ABCC1: variants seen among roughly 807,000 people sequenced by gnomAD.
ABCC1 encodes multidrug resistance-associated protein 1.
ABCC1 carries 83 observed loss-of-function variants against 172.9 expected under a neutral mutation model. The ratio of observed to expected loss-of-function variants is 0.48; its 90% CI spans 0.40 to 0.58. The LOEUF is 0.58. Among genes scored for constraint, ABCC1 ranks in the 20% least tolerant of loss-of-function variants. The pLI, the probability that ABCC1 is intolerant of heterozygous loss-of-function variation, is 0.00. For synonymous variants in ABCC1, 937 were observed against 825.2 expected (o/e 1.14, Z -2.32); for missense variants, 1,817 against 2,002.7 (o/e 0.91, Z 1.77).
intron 19 of ABCC1, chr16:16,094,206 G>T: frequency 3.6e-6 from 1 of 277,830 alleles, no homozygotes; most frequent in Non-Finnish European, 7.2e-6. Flanking sequence ...AGCTCTGTAG[G>T]TCCGGCGACG....
In ABCC1 at chr16:15,969,102, G is replaced by A. The variant is rs75822122; in HGVS notation, c.48+19303G>A. The stretch of plus-strand genomic sequence containing the variant: ...GCCTATAATCCCAGCTACTGGGAAG[G>A]GGGAGGCATAAGGATCACTTGAACC... On this transcript the variant is annotated intron_variant, in intron 1 of 30. Transcript: ENST00000399410. 7.8e-3 allele frequency among the ~76,000 whole-genome samples: 1,194 copies of A among 152,196 alleles called. 23 individuals carry two copies. The highest frequency in any genetic ancestry group is 0.027 in the African/African-American group (1,114 of 41,536).
In ABCC1 at chr16:16,136,471, T is replaced by C. The variant is rs746889514; in HGVS notation, c.4126-7T>C. ...CACATGCCGTCCACTCTCTTCTCTC[T>C]GAACAGGACCCTGTTTTGTTTTCGG... is the stretch of plus-strand genomic sequence containing the variant. On this transcript the variant is annotated splice_region_variant and splice_polypyrimidine_tract_variant and intron_variant, in intron 28 of 30. Transcript: ENST00000399410. The C allele has an allele frequency of 6.2e-7, 1 of 1,613,922 alleles. No individual in the cohort carries two copies. The highest frequency in any genetic ancestry group is 1.7e-5 in the Admixed American group (1 of 60,004).
At chr16:16,076,180 C>T (rs1303686794) in intron 14 of ABCC1, 146 bp from the exon 15 acceptor site, 5 of 734,178 alleles carry the variant, frequency 6.8e-6, no homozygotes, top group East Asian at 3.1e-5. Flanking sequence ...TTTCAGAACC[C>T]GTGGCTGATG....
chr16:16,070,843 C>T (rs2050318809), intron 13 of ABCC1, among the ~76,000 whole-genome samples: 1 of 152,188 alleles, frequency 6.6e-6, no homozygotes, highest in Non-Finnish European at 1.5e-5. Flanking sequence ...AGACCCCTTA[C>T]ATTCTACCCA....
At chr16:16,122,373 C>T (rs769271464) in intron 24 of ABCC1, among the ~76,000 whole-genome samples, 199 bp downstream of exon 24, 11 of 152,188 alleles carry the variant, frequency 7.2e-5, no homozygotes, top group Admixed American at 1.3e-4. Context: ...ATGCAGTGCC[C>T]GCGGCATTTA....
chr16:16,071,143 G>C (rs931263896), intron 13 of ABCC1, among the ~76,000 whole-genome samples: 7 of 152,050 alleles, frequency 4.6e-5, no homozygotes, highest in African/African-American at 1.7e-4. Context: ...GAGTGCAGTG[G>C]CATGATCTTG....
At chr16:16,089,442 GGAGGCT>G (rs1443079663) in intron 18 of ABCC1, among the ~76,000 whole-genome samples, 2 of 152,086 alleles carry the variant, frequency 1.3e-5, no homozygotes, top group African/African-American at 4.8e-5. Context: ...CAGCTACTTG[GGAGGCT>G]GAGGCAGGAG....
At chr16:16,139,961 G>A (rs1438159196) in intron 30 of ABCC1, among the ~76,000 whole-genome samples, 1 of 152,220 alleles carries the variant, frequency 6.6e-6, no homozygotes, top group Non-Finnish European at 1.5e-5. Flanking sequence ...CTCCAGTGTT[G>A]CCGTGTGAAA....
At chr16:16,069,193 TAAATAAATAAATAAATAA>T (rs2050235906) in intron 13 of ABCC1, among the ~76,000 whole-genome samples, 3 of 145,020 alleles carry the variant, frequency 2.1e-5, no homozygotes, top group South Asian at 4.3e-4. Flanking sequence ...AATAAATAAA[TAAATAAATAAATAAATAA>T]ATATGTTTGA....
At chr16:16,130,170 C>T (rs1373937651) in intron 26 of ABCC1, among the ~76,000 whole-genome samples, 1 of 152,210 alleles carries the variant, frequency 6.6e-6, no homozygotes, top group African/African-American at 2.4e-5. Context: ...AAAGGACCCT[C>T]CCACATGGGG....
intron 16 of ABCC1, among the ~76,000 whole-genome samples, chr16:16,082,979 T>A (rs1226796967): frequency 2.0e-5 from 3 of 152,174 alleles, no homozygotes; most frequent in Non-Finnish European, 4.4e-5. Context: ...TCATATATCT[T>A]TTTATCTTTG....
In ABCC1 at chr16:16,036,457, G is replaced by A; in HGVS notation, c.678-15G>A. The A allele has an allele frequency of 1.2e-6, 2 of 1,609,840 alleles. No individual in the cohort carries two copies. The highest frequency in any genetic ancestry group is 1.1e-5 in the South Asian group (1 of 90,502). ...TTGACTCTCATTGCCTAACCCCCTT[G>A]TGTCTTGGCCCCAGGTTGATTGTCC... On this transcript the variant is annotated splice_polypyrimidine_tract_variant and intron_variant, in intron 6 of 30. Transcript: ENST00000399410.
chr16:16,019,895 G>C (rs1279789579), intron 5 of ABCC1, among the ~76,000 whole-genome samples: 9 of 152,116 alleles, frequency 5.9e-5, no homozygotes, highest in Non-Finnish European at 1.3e-4. Context: ...GGCTCCTCCT[G>C]TGTCACTGCT....
chr16:16,024,773 A>G (rs926068614), intron 5 of ABCC1, among the ~76,000 whole-genome samples: 1 of 152,186 alleles, frequency 6.6e-6, no homozygotes, highest in African/African-American at 2.4e-5. Context: ...GGAAGAGGAT[A>G]CATTGGACAT....
intron 2 of ABCC1, among the ~76,000 whole-genome samples, chr16:16,008,236 C>T (rs1006324832): frequency 6.6e-6 from 1 of 152,076 alleles, no homozygotes; most frequent in Admixed American, 6.6e-5. Flanking sequence ...GCCTCAGTTT[C>T]CCTGTTTATG....
intron 12 of ABCC1, among the ~76,000 whole-genome samples, chr16:16,064,743 A>G (rs1177974237): frequency 6.6e-6 from 1 of 152,236 alleles, no homozygotes; most frequent in Non-Finnish European, 1.5e-5. Flanking sequence ...TCTATCCAGC[A>G]GACATTCACT....
chr16:16,044,263 C>T (rs771858035), intron 7 of ABCC1, among the ~76,000 whole-genome samples, 187 bp from the exon 8 acceptor site: 16 of 152,332 alleles, frequency 1.1e-4, no homozygotes, highest in Non-Finnish European at 1.8e-4. Context: ...GACCTTGAGC[C>T]GGTGGCTCTG....
intron 17 of ABCC1, among the ~76,000 whole-genome samples, chr16:16,086,323 G>A (rs779290658): frequency 3.3e-5 from 5 of 152,230 alleles, no homozygotes; most frequent in Non-Finnish European, 7.4e-5. Flanking sequence ...TGGTGGAGCT[G>A]GGGCCTGGCT....
intron 30 of ABCC1, among the ~76,000 whole-genome samples, chr16:16,139,207 A>G (rs1157619774): frequency 6.6e-6 from 1 of 152,222 alleles, no homozygotes; most frequent in African/African-American, 2.4e-5. Flanking sequence ...GGTGCTGGGA[A>G]GGACGCTTGC....
Sources: allele counts gnomAD v4.1 joint callset (sites outside exome capture counted in the v4.1 genomes callset), GRCh38; gene constraint gnomAD v4.1.1; transcripts MANE v1.5; gene names NCBI Gene and HGNC (gene_info 2026-07-23, HGNC 2026-07-21).